Variants in CYB5R3 observed in about 807,000 individuals in gnomAD.
The protein encoded by CYB5R3 is NADH-cytochrome b5 reductase 3.
Under a neutral mutation model 36.5 loss-of-function variants are expected in CYB5R3, and 28 were observed. The ratio of observed to expected loss-of-function variants is 0.77; its 90% confidence interval spans 0.57 to 1.05. The LOEUF is 1.05. Among genes scored for constraint, CYB5R3 ranks in the 50% least tolerant of loss-of-function variants. The pLI, the probability that CYB5R3 is intolerant of heterozygous loss-of-function variation, is 0.00. For missense variants in CYB5R3, 474 were observed against 408.9 expected (o/e 1.16, Z -1.37); for synonymous variants, 181 against 159.8 (o/e 1.13, Z -1.00).
intron 1 of CYB5R3, chr22:42,644,521 T>C: frequency 1.4e-6 from 2 of 1,395,364 alleles, no homozygotes; most frequent in Non-Finnish European, 2.0e-6. Flanking sequence ...CCTCAGAGCC[T>C]AGCTCAAACA....
intron 1 of CYB5R3, chr22:42,646,573 C>T (rs1041933505): frequency 6.8e-6 from 6 of 884,088 alleles, no homozygotes; most frequent in Middle Eastern, 5.8e-4. Context: ...ACCTGGCAGG[C>T]CCGGTCCTCC....
intron 1 of CYB5R3, chr22:42,646,521 G>C (rs1295730131): frequency 1.3e-5 from 5 of 388,086 alleles, no homozygotes; most frequent in Non-Finnish European, 1.8e-5. Context: ...ACTCTGCCCA[G>C]GCCAGGTTAG....
At chr22:42,628,357 A>G (rs1928417418) in intron 4 of CYB5R3, 76 bp from the exon 5 acceptor site, 1 of 1,584,004 alleles carries the variant, frequency 6.3e-7, no homozygotes, top group African/African-American at 1.3e-5. Context: ...GTGGGAGACA[A>G]GTGCCTCTTC....
rs1253674706 is a variant in CYB5R3 at position 42,618,063 on chromosome 22, CCT to C, written c.*1708_*1709del. ...TAATTTACCACCATGCAGATGGCATCCTCTGACTTTCCTGAGCCTCGAGGCTC... is the reference window on the plus strand; with the variant it reads ...TAATTTACCACCATGCAGATGGCATCCTGACTTTCCTGAGCCTCGAGGCTC... On this transcript the variant is annotated 3_prime_UTR_variant, in exon 9 of 9. Coordinates refer to ENST00000352397, the MANE Select transcript of CYB5R3 (RefSeq NM_000398.7). The C allele has an allele frequency of 6.6e-6, 1 of 152,334 alleles. No homozygotes were observed. The highest frequency in any genetic ancestry group is 1.5e-5 in the Non-Finnish European group (1 of 68,124). The allele number at this position is 152,334 out of a possible 1,614,324, so 9.4% of individuals were successfully genotyped here. A position where few individuals can be genotyped will look rare whatever the true frequency, so the allele number is the denominator to read the frequency against.
At chr22:42,628,875 A>G in intron 4 of CYB5R3, among the ~76,000 whole-genome samples, 1 of 152,036 alleles carries the variant, frequency 6.6e-6, no homozygotes, top group East Asian at 1.9e-4. Flanking sequence ...TGGGGGAGGG[A>G]CAGCGTGTAC....
chr22:42,630,875 G>C lies in CYB5R3; in HGVS notation c.333+7C>G, dbSNP rs375618769. The C allele has an allele frequency of 1.2e-6, 2 of 1,609,138 alleles. No homozygotes were observed. The highest frequency in any genetic ancestry group is 1.3e-5 in the African/African-American group (1 of 74,862). ...CCCCCTCCACAGTCATGACCCAGAG[G>C]CTTCACCTTGATGACCAGGTCCACG... On this transcript the variant is annotated splice_region_variant and intron_variant, in intron 4 of 8. Transcript: ENST00000352397.
intron 1 of CYB5R3, among the ~76,000 whole-genome samples, chr22:42,643,640 C>T (rs1318912775): frequency 6.6e-6 from 1 of 152,174 alleles, no homozygotes; most frequent in Non-Finnish European, 1.5e-5. Flanking sequence ...ATGCCTAGCC[C>T]ACCCCTCACC....
intron 2 of CYB5R3, chr22:42,631,896 C>T: frequency 1.1e-5 from 2 of 189,466 alleles, no homozygotes; most frequent in Non-Finnish European, 1.1e-5. Flanking sequence ...AGAGGGGCTG[C>T]AGAAGCCACT....
At chr22:42,626,392 G>A (rs1019974806) in intron 7 of CYB5R3, among the ~76,000 whole-genome samples, 1 of 151,886 alleles carries the variant, frequency 6.6e-6, no homozygotes, top group African/African-American at 2.4e-5. Flanking sequence ...AGCCCCTCCC[G>A]GAGCCTGTGT....
chr22:42,622,073 A>C (rs2413705), intron 8 of CYB5R3, among the ~76,000 whole-genome samples: 6,509 of 47,990 alleles, frequency 0.14, 482 homozygotes, highest in African/African-American at 0.23. Flanking sequence ...CAGGCACGCG[A>C]CACACGCCCA....
At chr22:42,641,042 A>G (rs925390736) in intron 1 of CYB5R3, among the ~76,000 whole-genome samples, 15 of 149,416 alleles carry the variant, frequency 1.0e-4, no homozygotes, top group African/African-American at 3.7e-4. Context: ...TTTTTAGTAG[A>G]GACAGGGTTT....
At chr22:42,625,884 C>T (rs1450845384) in intron 7 of CYB5R3, among the ~76,000 whole-genome samples, 3 of 152,276 alleles carry the variant, frequency 2.0e-5, no homozygotes, top group Middle Eastern at 6.8e-3. Flanking sequence ...TTTCCAGAGG[C>T]TGCGTGACTG....
Position 42,627,408 on chromosome 22 carries a change from G to A in CYB5R3, c.548-19C>T. 2 of 1,611,864 alleles carry A rather than the reference G, an allele frequency of 1.2e-6. No homozygotes were observed. The highest frequency in any genetic ancestry group is 1.7e-6 in the Non-Finnish European group (2 of 1,178,822). On this transcript the variant is annotated intron_variant, in intron 6 of 8. Transcript: ENST00000352397. ...GTGATGCCTGCAAAATAGCCGGCCG[G>A]GCCTCGCACGTGCTGAGCGAGGCCT...
chr22:42,630,834 T>C, intron 4 of CYB5R3, 48 bp downstream of exon 4: 2 of 1,510,472 alleles, frequency 1.3e-6, no homozygotes, highest in South Asian at 2.3e-5. Flanking sequence ...GCTGTTGCCA[T>C]GGCCACCCAC....
At chr22:42,631,355 G>C in intron 3 of CYB5R3, 23 bp downstream of exon 3, 4 of 1,549,112 alleles carry the variant, frequency 2.6e-6, no homozygotes, top group Non-Finnish European at 3.5e-6. Flanking sequence ...GCTCCGAATG[G>C]GCCCAGCAGG....
intron 5 of CYB5R3, 93 bp downstream of exon 5, chr22:42,628,059 C>T: frequency 6.4e-7 from 1 of 1,561,000 alleles, no homozygotes; most frequent in African/African-American, 1.4e-5. Flanking sequence ...CCCATCCACA[C>T]AGAGCCAGGG....
chr22:42,630,142 G>A (rs978537425), intron 4 of CYB5R3, among the ~76,000 whole-genome samples: 10 of 152,118 alleles, frequency 6.6e-5, no homozygotes, highest in Non-Finnish European at 1.2e-4. Context: ...TGCTGGGGCC[G>A]TCATGCTGCC....
intron 1 of CYB5R3, among the ~76,000 whole-genome samples, chr22:42,648,549 C>T (rs897789941): frequency 5.9e-5 from 9 of 152,076 alleles, no homozygotes; most frequent in East Asian, 1.9e-4. Context: ...AGGCTCCTTC[C>T]GGCGGCAGCG....
In CYB5R3 at chr22:42,619,635, C is replaced by T. The variant is rs77394217; in HGVS notation, c.*138G>A. ...CCGAAGGGGCTCCAGGGGAACTGCT[C>T]AGCCAGGTGATTCACCAGGGCACGG... On this transcript the variant is annotated 3_prime_UTR_variant, in exon 9 of 9. Transcript: ENST00000352397. The T allele has an allele frequency of 2.4e-3, 1,938 of 804,078 alleles. 5 individuals are homozygous for T. The highest frequency in any genetic ancestry group is 3.4e-3 in the Non-Finnish European group (1,721 of 508,268). The allele number at this position is 804,078 out of a possible 1,614,324, so 49.8% of individuals were successfully genotyped here.
Sources: gnomAD v4.1 joint callset for allele counts (sites outside exome capture counted in the v4.1 genomes callset) on GRCh38, gnomAD v4.1.1 for gene constraint, MANE v1.5 for transcripts, NCBI Gene and HGNC (gene_info 2026-07-23, HGNC 2026-07-21) for gene names.